The following RNF38 variants were observed in gnomAD, a reference collection of about 807,000 sequenced individuals.
RNF38 encodes the protein ring finger protein 38.
A neutral mutation model predicts 67.2 loss-of-function variants in RNF38; 15 were observed. That is an observed-to-expected ratio of 0.22 (90% CI 0.15 to 0.34). The LOEUF is 0.34. RNF38 is among the 10% of genes least tolerant of loss of function. RNF38 has a pLI of 1.00. For missense variants in RNF38, 524 were observed against 639.9 expected, an observed-to-expected ratio of 0.82 and a Z score of 1.95; for synonymous variants, 220 against 218.8, an observed-to-expected ratio of 1.01 and a Z score of -0.05.
intron 1 of RNF38, among the ~76,000 whole-genome samples, chr9:36,462,139 G>T (rs1245793814): frequency 6.6e-6 from 1 of 152,300 alleles, no homozygotes. Flanking sequence ...AGTAAGATGT[G>T]GTCTGAATAT....
intron 1 of RNF38, among the ~76,000 whole-genome samples, chr9:36,394,278 AAAAAG>A (rs1190115175): frequency 1.3e-5 from 2 of 152,162 alleles, no homozygotes; most frequent in East Asian, 1.9e-4. Context: ...TCTCAAAAAA[AAAAAG>A]AAAAGAAAGA....
At chr9:36,390,655 C>A (rs1326616437) in intron 1 of RNF38, 39 bp from the exon 2 acceptor site, 2 of 1,604,888 alleles carry the variant, frequency 1.2e-6, no homozygotes, top group Non-Finnish European at 1.7e-6. Flanking sequence ...TCATGGCTAG[C>A]TGCACCAATG....
intron 1 of RNF38, among the ~76,000 whole-genome samples, chr9:36,392,098 C>A (rs554158354): frequency 1.3e-5 from 2 of 152,052 alleles, no homozygotes; most frequent in African/African-American, 4.8e-5. Flanking sequence ...AGCCAGAAAC[C>A]GATCATAAAA....
intron 9 of RNF38, among the ~76,000 whole-genome samples, chr9:36,349,897 C>G (rs1169521890): frequency 6.6e-6 from 1 of 152,124 alleles, no homozygotes; most frequent in Non-Finnish European, 1.5e-5. Flanking sequence ...GTCACTCAGC[C>G]CGGAGTACAA....
At chr9:36,465,816 C>G (rs561866409) in intron 1 of RNF38, among the ~76,000 whole-genome samples, 1 of 151,908 alleles carries the variant, frequency 6.6e-6, no homozygotes, top group South Asian at 2.1e-4. Flanking sequence ...TTTGGGAGGC[C>G]GAGGCGGGTG....
chr9:36,452,485 A>G (rs1839476961), intron 1 of RNF38, among the ~76,000 whole-genome samples: 1 of 151,174 alleles, frequency 6.6e-6, no homozygotes. Flanking sequence ...TCTTTCACTT[A>G]GCATGTTTTG....
At chr9:36,464,468 G>A (rs2134387839) in intron 1 of RNF38, among the ~76,000 whole-genome samples, 1 of 152,094 alleles carries the variant, frequency 6.6e-6, no homozygotes, top group East Asian at 1.9e-4. Context: ...CTACTCAGGA[G>A]GCTGAGGCAG....
chr9:36,380,870 A>G (rs1836162743), intron 2 of RNF38, among the ~76,000 whole-genome samples: 1 of 152,208 alleles, frequency 6.6e-6, no homozygotes, highest in African/African-American at 2.4e-5. Context: ...GAAACTGAGG[A>G]AAACTGAAGA....
Position 36,369,709 on chromosome 9 carries a change from G to A in RNF38, c.570+10C>T, listed in dbSNP as rs1587529363. The A allele has an allele frequency of 1.9e-6, 3 of 1,574,750 alleles. No homozygotes were observed. In the East Asian group the frequency reaches 6.8e-5, roughly 36 times the overall value. ...AGCTTCTGTATTTCCAAGACATTCT[G>A]TTATTGTACCTGATCATGTATGTCA... On this transcript the variant is annotated intron_variant, in intron 4 of 11. Transcript: ENST00000259605.
At chr9:36,467,240 T>C (rs1463378233) in intron 1 of RNF38, among the ~76,000 whole-genome samples, 2 of 92,368 alleles carry the variant, frequency 2.2e-5, no homozygotes, top group African/African-American at 3.7e-5. Flanking sequence ...ATAATATATA[T>C]ATATACACAC....
At chr9:36,352,444 A>G (rs1833767471) in intron 8 of RNF38, among the ~76,000 whole-genome samples, 1 of 152,224 alleles carries the variant, frequency 6.6e-6, no homozygotes, top group South Asian at 2.1e-4. Context: ...CTAAAAGCTG[A>G]ATAATCAAGA....
chr9:36,341,430 AAAT>A (rs1832817344), intron 11 of RNF38, among the ~76,000 whole-genome samples: 1 of 152,178 alleles, frequency 6.6e-6, no homozygotes, highest in Admixed American at 6.5e-5. Context: ...TTAATTTAAA[AAAT>A]AACATAAATT....
intron 4 of RNF38, among the ~76,000 whole-genome samples, chr9:36,366,431 A>G (rs138854846): frequency 1.3e-5 from 2 of 152,272 alleles, no homozygotes; most frequent in East Asian, 3.9e-4. Flanking sequence ...GTGTTAATGT[A>G]TCTTTTAAAA....
intron 2 of RNF38, among the ~76,000 whole-genome samples, chr9:36,387,783 T>C (rs1836757380): frequency 6.6e-6 from 1 of 152,088 alleles, no homozygotes; most frequent in Non-Finnish European, 1.5e-5. Context: ...AAGCCATCAT[T>C]TTCACAGAAA....
chr9:36,474,088 C>T (rs542259405), intron 1 of RNF38, among the ~76,000 whole-genome samples: 29 of 150,996 alleles, frequency 1.9e-4, no homozygotes, highest in East Asian at 5.9e-4. Context: ...CCAAGGCGGG[C>T]GGATCACGAG....
At chr9:36,428,075 G>C (rs1318063984) in intron 1 of RNF38, among the ~76,000 whole-genome samples, 1 of 151,616 alleles carries the variant, frequency 6.6e-6, no homozygotes, top group Admixed American at 6.6e-5. Context: ...CTAGACTATG[G>C]TATTTGTTAC....
intron 1 of RNF38, among the ~76,000 whole-genome samples, chr9:36,443,968 C>T (rs1253929724): frequency 1.3e-5 from 2 of 152,142 alleles, no homozygotes; most frequent in Non-Finnish European, 2.9e-5. Context: ...CAGCATGTTC[C>T]CCTCCCAGAA....
intron 2 of RNF38, among the ~76,000 whole-genome samples, chr9:36,418,232 T>C (rs987809433): frequency 1.3e-5 from 2 of 152,116 alleles, no homozygotes; most frequent in Admixed American, 6.5e-5. Context: ...TTTGCCATGT[T>C]GTCCAGGCTG....
chr9:36,390,962 A>G (rs1837035377), intron 1 of RNF38, among the ~76,000 whole-genome samples: 1 of 152,228 alleles, frequency 6.6e-6, no homozygotes, highest in Non-Finnish European at 1.5e-5. Flanking sequence ...AAAATTACAT[A>G]TCTTAAGTAC....
Sources: allele counts gnomAD v4.1 joint callset (sites outside exome capture counted in the v4.1 genomes callset), GRCh38; gene constraint gnomAD v4.1.1; transcripts MANE v1.5; gene names NCBI Gene and HGNC (gene_info 2026-07-23, HGNC 2026-07-21).